Variants in MND1 observed in about 807,000 individuals in gnomAD.
The protein encoded by MND1 is meiotic nuclear division protein 1 homolog.
Under a neutral mutation model 35.1 loss-of-function variants are expected in MND1, and 28 were observed. That is an observed-to-expected ratio of 0.80 (90% CI 0.59 to 1.09). The LOEUF is 1.09. MND1 is among the 50% of genes least tolerant of loss of function. The pLI, the probability that MND1 is intolerant of heterozygous loss-of-function variation, is 0.00. For missense variants in MND1, 213 were observed against 239.6 expected (o/e 0.89, Z 0.73); for synonymous variants, 69 against 70.5 (o/e 0.98, Z 0.11).
intron 2 of MND1, among the ~76,000 whole-genome samples, chr4:153,352,293 A>G (rs952945217): frequency 3.4e-4 from 51 of 152,120 alleles, no homozygotes; most frequent in African/African-American, 1.2e-3. Context: ...GGATGGATAT[A>G]TATGTGCGTG....
At chr4:153,382,336 C>T (rs946817560) in intron 4 of MND1, among the ~76,000 whole-genome samples, 2 of 152,164 alleles carry the variant, frequency 1.3e-5, no homozygotes, top group African/African-American at 4.8e-5. Context: ...CTTTGGTTTA[C>T]CATCAATCTT....
In MND1 at chr4:153,344,734, C is replaced by T. The variant is rs1773027274; in HGVS notation, c.-4C>T. Reference sequence around the variant, plus strand: ...CGGCCAGCGGAAGCCCCTGCGCCCGCGCCATGGTAAGGACTGAGGCTACGG... The same window carrying T: ...CGGCCAGCGGAAGCCCCTGCGCCCGTGCCATGGTAAGGACTGAGGCTACGG... On this transcript the variant is annotated 5_prime_UTR_variant, in exon 1 of 8. Coordinates refer to ENST00000240488, the MANE Select transcript of MND1 (RefSeq NM_032117.4). 3 of 1,596,738 alleles carry T rather than the reference C, an allele frequency of 1.9e-6. No homozygotes were observed. The highest frequency in any genetic ancestry group is 2.6e-6 in the Non-Finnish European group (3 of 1,172,844).
At chr4:153,413,765 T>G (rs1431191663) in intron 7 of MND1, among the ~76,000 whole-genome samples, 1 of 152,082 alleles carries the variant, frequency 6.6e-6, no homozygotes, top group East Asian at 1.9e-4. Context: ...ACTGTCACGG[T>G]CCTGCCTCCC....
intron 4 of MND1, among the ~76,000 whole-genome samples, chr4:153,373,599 G>A (rs930017496): frequency 6.6e-6 from 1 of 152,102 alleles, no homozygotes; most frequent in Admixed American, 6.6e-5. Flanking sequence ...GGCATCCAGT[G>A]TATTTTGTGA....
At chr4:153,367,096 T>C (rs1294069713) in intron 4 of MND1, among the ~76,000 whole-genome samples, 2 of 152,212 alleles carry the variant, frequency 1.3e-5, no homozygotes, top group Non-Finnish European at 2.9e-5. Flanking sequence ...GCAGATATTC[T>C]AAAAGTGCTC....
rs1277620599 is a variant in MND1, at chr4:153,390,911, G to GTATA, written c.277-3350_277-3349insATAT. ...TATATGTGTGTGTGTGTGTGTGTGT[G>GTATA]TGTGTATATGTGTGTGTGTGTGTGT... is the stretch of plus-strand genomic sequence containing the variant. On this transcript the variant is annotated intron_variant, in intron 4 of 7. Transcript: ENST00000240488. 5.0e-3 allele frequency among the ~76,000 whole-genome samples: 669 copies of GTATA among 133,898 alleles called. 5 individuals are homozygous for GTATA. The highest frequency in any genetic ancestry group is 0.02 in the African/African-American group (626 of 31,032). 87.8% of individuals were successfully genotyped at this position (133,898 alleles called of 152,430 possible).
intron 6 of MND1, among the ~76,000 whole-genome samples, chr4:153,408,731 CATTA>C: frequency 6.6e-6 from 1 of 151,930 alleles, no homozygotes; most frequent in Admixed American, 6.6e-5. Flanking sequence ...TTTGACTTTC[CATTA>C]ATTACTAATA....
intron 5 of MND1, among the ~76,000 whole-genome samples, chr4:153,395,513 C>T (rs1729173120): frequency 6.6e-6 from 1 of 152,184 alleles, no homozygotes; most frequent in African/African-American, 2.4e-5. Flanking sequence ...TCTTACCAGC[C>T]AGGACTTTTC....
chr4:153,380,121 A>G (rs921600695), intron 4 of MND1, among the ~76,000 whole-genome samples: 4 of 152,086 alleles, frequency 2.6e-5, no homozygotes, highest in African/African-American at 9.7e-5. Context: ...ATTTTTATAT[A>G]ATTTTTTTTC....
chr4:153,372,244 C>A (rs1001590166), intron 4 of MND1, among the ~76,000 whole-genome samples: 1 of 151,958 alleles, frequency 6.6e-6, no homozygotes, highest in South Asian at 2.1e-4. Context: ...AATAGACTTG[C>A]TTGACTCAAG....
At chr4:153,388,720 G>T (rs1358031540) in intron 4 of MND1, among the ~76,000 whole-genome samples, 2 of 152,186 alleles carry the variant, frequency 1.3e-5, no homozygotes, top group African/African-American at 2.4e-5. Flanking sequence ...CCCGGGCCTT[G>T]CTCAGCCCCA....
chr4:153,364,584 T>C lies in MND1; in HGVS notation c.276+5962T>C, dbSNP rs1353357851. ...TGAAAGCAGGGTCTTGAAGAGCTAT[T>C]TGTACACCCACATTCATAGCAGCAT... On this transcript the variant is annotated intron_variant, in intron 4 of 7. Coordinates refer to ENST00000240488, the MANE Select transcript of MND1 (RefSeq NM_032117.4). Among the ~76,000 whole-genome samples, 4 of 152,114 alleles carry C rather than the reference T, an allele frequency of 2.6e-5. No individual in the cohort carries two copies. The East Asian group carries it at 7.7e-4, about 29-fold the overall frequency.
intron 4 of MND1, among the ~76,000 whole-genome samples, chr4:153,363,531 A>G (rs1483282715): frequency 1.3e-5 from 2 of 152,138 alleles, no homozygotes; most frequent in African/African-American, 2.4e-5. Context: ...TGTTTTATTC[A>G]TCATTCAAAA....
intron 2 of MND1, among the ~76,000 whole-genome samples, chr4:153,354,344 G>T (rs542967614): frequency 6.6e-6 from 1 of 152,064 alleles, no homozygotes; most frequent in Non-Finnish European, 1.5e-5. Flanking sequence ...TGCCTGTTTC[G>T]CTTTTAGTTA....
chr4:153,384,443 A>ATTTTTTTTTTTTTTT lies in MND1; in HGVS notation c.277-9804_277-9790dup, dbSNP rs561004288. ...TGCCACCATGCCCAGCTAATGTTTA[A>ATTTTTTTTTTTTTTT]TTTTTTTTTTTTTTTTTTTTTTTTT... On this transcript the variant is annotated intron_variant, in intron 4 of 7. Coordinates refer to ENST00000240488, the MANE Select transcript of MND1 (RefSeq NM_032117.4). Among the ~76,000 whole-genome samples the ATTTTTTTTTTTTTTT allele has an allele frequency of 2.7e-3, 172 of 63,178 alleles. 14 individuals carry two copies. The highest frequency in any genetic ancestry group is 3.5e-3 in the East Asian group (6 of 1,700). 41.4% of individuals were successfully genotyped at this position (63,178 alleles called of 152,430 possible).
intron 1 of MND1, among the ~76,000 whole-genome samples, chr4:153,347,862 A>G (rs962322987): frequency 3.3e-5 from 5 of 152,122 alleles, no homozygotes; most frequent in Admixed American, 1.3e-4. Context: ...CATACTGTTA[A>G]TGGCAAAGTT....
intron 6 of MND1, among the ~76,000 whole-genome samples, chr4:153,398,626 G>C (rs886554422): frequency 2.0e-5 from 3 of 152,188 alleles, no homozygotes; most frequent in Non-Finnish European, 4.4e-5. Flanking sequence ...TTTTCAAAGA[G>C]AGGTGGAGGC....
intron 4 of MND1, chr4:153,361,554 T>C (rs745765508): frequency 1.8e-5 from 8 of 456,154 alleles, no homozygotes; most frequent in South Asian, 1.2e-4. Context: ...TTATAGAAAA[T>C]TCTGGCTGGG....
chr4:153,412,794 TTTC>T (rs199687346), intron 7 of MND1, among the ~76,000 whole-genome samples: 2,021 of 149,368 alleles, frequency 0.014, 47 homozygotes, highest in African/African-American at 0.048. Flanking sequence ...AGCCAATCCT[TTTC>T]TTCTTTTTTT....
Sources: allele counts gnomAD v4.1 joint callset (sites outside exome capture counted in the v4.1 genomes callset), GRCh38; gene constraint gnomAD v4.1.1; transcripts MANE v1.5; gene names NCBI Gene and HGNC (gene_info 2026-07-23, HGNC 2026-07-21).